The following GNAL variants were observed in gnomAD, a reference collection of about 807,000 sequenced individuals.
The protein encoded by GNAL is guanine nucleotide-binding protein G(olf) subunit alpha.
GNAL carries 18 observed loss-of-function variants against 55.1 expected under a neutral mutation model. That is an observed-to-expected ratio of 0.33 (90% CI 0.23 to 0.48). The LOEUF is 0.48. Among genes scored for constraint, GNAL ranks in the 20% least tolerant of loss-of-function variants. GNAL has a pLI of 0.99. For synonymous variants in GNAL, 253 were observed against 237.0 expected (o/e 1.07, Z -0.62); for missense variants, 412 against 614.1 (o/e 0.67, Z 3.48).
At chr18:11,776,093 A>T (rs73399842) in intron 4 of GNAL, among the ~76,000 whole-genome samples, 17,676 of 152,184 alleles carry the variant, frequency 0.12, 1,442 homozygotes, top group African/African-American at 0.23. Flanking sequence ...AATCAACAGC[A>T]TCCGCCTCCA....
At chr18:11,783,080 C>A (rs1322907394) in intron 4 of GNAL, among the ~76,000 whole-genome samples, 1 of 152,214 alleles carries the variant, frequency 6.6e-6, no homozygotes, top group Non-Finnish European at 1.5e-5. Flanking sequence ...AATTTCACAT[C>A]GCATTCTGGC....
intron 5 of GNAL, among the ~76,000 whole-genome samples, chr18:11,842,696 G>A: frequency 6.6e-6 from 1 of 152,118 alleles, no homozygotes; most frequent in Middle Eastern, 3.2e-3. Flanking sequence ...AGCTCAAGTG[G>A]TAATGCGATT....
chr18:11,752,637 G>A lies in GNAL; in HGVS notation c.377-216G>A. On this transcript the variant is annotated intron_variant, in intron 1 of 11. Transcript: ENST00000334049. The surrounding 1 kb of genome is among the most constrained non-coding windows in gnomAD (Gnocchi z 4.5). Reference sequence around the variant, plus strand: ...CCAGCGGAGCGCACAGCCAGGAGCGGCGAGCGCCAGGCTGGGCGGGCAGGG... The same window carrying A: ...CCAGCGGAGCGCACAGCCAGGAGCGACGAGCGCCAGGCTGGGCGGGCAGGG... 2.7e-6 allele frequency: 4 copies of A among 1,476,044 alleles called. No individual in the cohort carries two copies. Among genetic ancestry groups the A allele is most frequent in the Non-Finnish European group, 3.6e-6 (4 of 1,119,706 alleles). 91.4% of individuals were successfully genotyped at this position (1,476,044 alleles called of 1,614,324 possible).
chr18:11,858,567 C>T (rs1337314908), intron 5 of GNAL, among the ~76,000 whole-genome samples: 3 of 152,170 alleles, frequency 2.0e-5, no homozygotes, highest in Non-Finnish European at 4.4e-5. Context: ...AAAAAGTACT[C>T]CTGCAACATG....
chr18:11,780,320 G>A (rs1035338766), intron 4 of GNAL, among the ~76,000 whole-genome samples: 1 of 151,708 alleles, frequency 6.6e-6, no homozygotes, highest in Non-Finnish European at 1.5e-5. Context: ...TTCCTAACAC[G>A]TAAGACCTTT....
chr18:11,715,257 A>G (rs576020733), intron 1 of GNAL, among the ~76,000 whole-genome samples: 153 of 151,998 alleles, frequency 1.0e-3, no homozygotes, highest in Admixed American at 2.2e-3. Flanking sequence ...CAGGAGATCG[A>G]GACCATCCTG....
At chr18:11,705,890 G>A (rs955678605) in intron 1 of GNAL, among the ~76,000 whole-genome samples, 20 of 151,738 alleles carry the variant, frequency 1.3e-4, no homozygotes, top group Admixed American at 1.1e-3. Flanking sequence ...TGAGTGGCTG[G>A]GATTACAGGC....
chr18:11,813,685 G>C (rs1393004280), intron 4 of GNAL, among the ~76,000 whole-genome samples: 1 of 152,160 alleles, frequency 6.6e-6, no homozygotes, highest in East Asian at 1.9e-4. Context: ...ACAGAATTGA[G>C]AATTCAGAAA....
chr18:11,754,067 C>T (rs966523648), intron 4 of GNAL, 122 bp downstream of exon 4: 2 of 746,222 alleles, frequency 2.7e-6, no homozygotes, highest in South Asian at 3.5e-5. Flanking sequence ...ATCCAGCTCT[C>T]TAAATGCATA....
chr18:11,810,561 G>C (rs1285050272), intron 4 of GNAL: 1 of 152,298 alleles, frequency 6.6e-6, no homozygotes, highest in East Asian at 1.9e-4. Context: ...ACCAGTCCCA[G>C]CTCGTCACCT....
At chr18:11,763,440 C>A (rs192017834) in intron 4 of GNAL, among the ~76,000 whole-genome samples, 1 of 151,914 alleles carries the variant, frequency 6.6e-6, no homozygotes, top group East Asian at 1.9e-4. Context: ...TGAACAGAGT[C>A]TCGCTCTGTC....
Position 11,689,502 on chromosome 18 carries a change from GGCC to G in GNAL, c.-58_-56del. On this transcript the variant is annotated 5_prime_UTR_variant, in exon 1 of 12. Coordinates refer to ENST00000334049, the MANE Select transcript of GNAL (RefSeq NM_182978.4). ...CGGCCTGAACTGGGCGCGGGAACCA[GGCC>G]GCCCTCGGCGCCCAGCCTGCCCTAG... 1 of 832,060 alleles carries G rather than the reference GGCC, an allele frequency of 1.2e-6. No individual in the cohort carries two copies. The highest frequency in any genetic ancestry group is 1.6e-6 in the Non-Finnish European group (1 of 626,042). 51.5% of individuals were successfully genotyped at this position (832,060 alleles called of 1,614,324 possible). A position where few individuals can be genotyped will look rare whatever the true frequency, so the allele number is the denominator to read the frequency against.
chr18:11,754,730 G>C (rs1459495875), intron 4 of GNAL, among the ~76,000 whole-genome samples: 1 of 152,180 alleles, frequency 6.6e-6, no homozygotes, highest in African/African-American at 2.4e-5. Flanking sequence ...AAAAATGATA[G>C]CATGGATCAC....
At chr18:11,858,935 T>C (rs981022976) in intron 5 of GNAL, among the ~76,000 whole-genome samples, 2 of 152,204 alleles carry the variant, frequency 1.3e-5, no homozygotes, top group Non-Finnish European at 2.9e-5. Flanking sequence ...TGGTCTTTCA[T>C]AGTGCACAGG....
Position 11,824,880 on chromosome 18 carries a change from C to CTT in GNAL, c.625-27_625-26dup, listed in dbSNP as rs113286306. 6,539 of 1,022,422 alleles carry CTT rather than the reference C, an allele frequency of 6.4e-3. 10 individuals are homozygous for CTT. Among genetic ancestry groups the CTT allele is most frequent in the African/African-American group, 0.019 (1,126 of 59,842 alleles). The allele number at this position is 1,022,422 out of a possible 1,614,324, so 63.3% of individuals were successfully genotyped here. A position where few individuals can be genotyped will look rare whatever the true frequency, so the allele number is the denominator to read the frequency against. ...TTTAACTTTTTAAAAGGTTATTACA[C>CTT]TTTTTTTTTTTTAATTTGTAACTCT... is the stretch of plus-strand genomic sequence containing the variant. On this transcript the variant is annotated intron_variant, in intron 4 of 11. Transcript: ENST00000334049.
intron 10 of GNAL, among the ~76,000 whole-genome samples, chr18:11,873,849 C>CG (rs1555616713): frequency 2.0e-5 from 3 of 152,004 alleles, no homozygotes; most frequent in Non-Finnish European, 4.4e-5. Flanking sequence ...GCTCGGCGGC[C>CG]GGGGGGTCCT....
At chr18:11,775,933 A>C (rs2033770417) in intron 4 of GNAL, among the ~76,000 whole-genome samples, 1 of 152,214 alleles carries the variant, frequency 6.6e-6, no homozygotes, top group South Asian at 2.1e-4. Context: ...TTGGATGGCT[A>C]GGCTCGCCAG....
At chr18:11,808,099 A>G (rs1424180337) in intron 4 of GNAL, among the ~76,000 whole-genome samples, 2 of 150,958 alleles carry the variant, frequency 1.3e-5, no homozygotes, top group Admixed American at 6.6e-5. Context: ...TTCCAGGACC[A>G]TGATAAATAT....
intron 4 of GNAL, among the ~76,000 whole-genome samples, chr18:11,815,036 T>C (rs1453883637): frequency 6.6e-6 from 1 of 152,124 alleles, no homozygotes; most frequent in Non-Finnish European, 1.5e-5. Flanking sequence ...ACATGAAGAA[T>C]AAGTTTGGGC....
Sources: gnomAD v4.1 joint callset for allele counts (sites outside exome capture counted in the v4.1 genomes callset) on GRCh38, gnomAD v4.1.1 for gene constraint, Gnocchi (gnomAD v3.1) non-coding constraint, MANE v1.5 for transcripts, NCBI Gene and HGNC (gene_info 2026-07-23, HGNC 2026-07-21) for gene names.